CGNL1: variants seen among roughly 807,000 people sequenced by gnomAD.
CGNL1 encodes cingulin-like protein 1.
Under a neutral mutation model 141.2 loss-of-function variants are expected in CGNL1, and 132 were observed. That is an observed-to-expected ratio of 0.93 (90% confidence interval 0.81 to 1.08). CGNL1 has a LOEUF of 1.08. Ranked by LOEUF, CGNL1 falls within the 50% of genes least tolerant of loss-of-function variation. CGNL1 has a pLI of 0.00. For missense variants in CGNL1, 1,870 were observed against 1,588.6 expected (o/e 1.18, Z -3.01); for synonymous variants, 690 against 622.1 (o/e 1.11, Z -1.63).
At chr15:57,429,431 G>A (rs2063018149) in intron 1 of CGNL1, among the ~76,000 whole-genome samples, 1 of 152,212 alleles carries the variant, frequency 6.6e-6, no homozygotes, top group Non-Finnish European at 1.5e-5. Context: ...AGCCAGATTT[G>A]CGCTTAGAGA....
At chr15:57,534,231 C>T (rs1344519108) in intron 14 of CGNL1, among the ~76,000 whole-genome samples, 3 of 152,236 alleles carry the variant, frequency 2.0e-5, no homozygotes, top group Non-Finnish European at 4.4e-5. Flanking sequence ...TTTCCCTCTT[C>T]TGTTTTCTTT....
intron 1 of CGNL1, chr15:57,394,109 T>TTTTTTTTTTTTTTTTG (rs2062575484): frequency 7.3e-6 from 1 of 137,734 alleles, no homozygotes; most frequent in Non-Finnish European, 1.6e-5. Context: ...CTGTTTGTTT[T>TTTTTTTTTTTTTTTTG]TTTTTTTTTT....
intron 4 of CGNL1, among the ~76,000 whole-genome samples, chr15:57,444,685 A>G (rs1388646684): frequency 6.6e-6 from 1 of 152,146 alleles, no homozygotes; most frequent in Non-Finnish European, 1.5e-5. Context: ...GGGGTGTTCT[A>G]AGTTAAGTGA....
chr15:57,486,126 C>T (rs11856034), intron 8 of CGNL1, among the ~76,000 whole-genome samples: 20,598 of 152,108 alleles, frequency 0.14, 1,727 homozygotes, highest in Admixed American at 0.21. Context: ...GAATCAGCTG[C>T]CTTACTGGTG....
In CGNL1 at chr15:57,523,585, G is replaced by C; in HGVS notation, c.2812G>C (p.Glu938Gln). The change falls in exon 11 of 19, where the codon GAG (glutamate) becomes CAG (glutamine). Residue 938 changes from glutamate to glutamine, a missense_variant. Glu to Gln is a conservative substitution (Grantham distance 29). Coordinates refer to ENST00000281282, the MANE Select transcript of CGNL1 (RefSeq NM_032866.5). ...QKEQLRRLKN[E>Q]MENERWHLGK... ...GGAGCAGCTAAGAAGGTTGAAGAAC[G>C]AGATGGAGAATGAGCGGTGGCACCT... The C allele has an allele frequency of 6.2e-7, 1 of 1,614,182 alleles. No homozygotes were observed. Among genetic ancestry groups the C allele is most frequent in the Non-Finnish European group, 8.5e-7 (1 of 1,180,024 alleles).
intron 8 of CGNL1, among the ~76,000 whole-genome samples, chr15:57,509,981 C>A (rs1249929910): frequency 6.6e-6 from 1 of 152,180 alleles, no homozygotes; most frequent in Non-Finnish European, 1.5e-5. Flanking sequence ...ACCTGACTTA[C>A]CCTTGAAATA....
chr15:57,411,626 G>A (rs1213033722), intron 1 of CGNL1, among the ~76,000 whole-genome samples: 1 of 151,758 alleles, frequency 6.6e-6, no homozygotes, highest in Non-Finnish European at 1.5e-5. Context: ...TGTATTTTTG[G>A]TAGAGATGAG....
intron 8 of CGNL1, among the ~76,000 whole-genome samples, chr15:57,463,772 G>A (rs1041747252): frequency 2.0e-5 from 3 of 152,210 alleles, no homozygotes; most frequent in African/African-American, 7.2e-5. Context: ...AAAACTCTGT[G>A]TCTTTCAGAC....
At chr15:57,382,192 A>C (rs1311693075) in intron 1 of CGNL1, among the ~76,000 whole-genome samples, 2 of 152,228 alleles carry the variant, frequency 1.3e-5, no homozygotes, top group African/African-American at 4.8e-5. Flanking sequence ...TACAGGTAGT[A>C]AGGGCTTAGA....
Position 57,380,160 on chromosome 15 carries a change from A to G in CGNL1, c.-16+3593A>G, listed in dbSNP as rs759814626. Among the ~76,000 whole-genome samples, 39 of 152,262 alleles carry G rather than the reference A, an allele frequency of 2.6e-4. 1 individual carries two copies. The highest frequency in any genetic ancestry group is 3.9e-4 in the Admixed American group (6 of 15,300). On this transcript the variant is annotated intron_variant, in intron 1 of 18. Coordinates refer to ENST00000281282, the MANE Select transcript of CGNL1 (RefSeq NM_032866.5). ...CAATCCTCCCTGCCTCAGCCTCCTG[A>G]GTAGCTGGAATTACAGGCATGCGCC...
chr15:57,445,760 T>A (rs569303975), intron 4 of CGNL1, among the ~76,000 whole-genome samples: 4 of 152,316 alleles, frequency 2.6e-5, no homozygotes, highest in East Asian at 1.9e-4. Flanking sequence ...TAGCTTTGAT[T>A]CCTACTTTTA....
At chr15:57,383,682 G>T (rs1437069010) in intron 1 of CGNL1, among the ~76,000 whole-genome samples, 1 of 149,442 alleles carries the variant, frequency 6.7e-6, no homozygotes, top group Non-Finnish European at 1.5e-5. Context: ...GAGTGCAGTG[G>T]TGTGATCACA....
chr15:57,498,887 G>A lies in CGNL1; in HGVS notation c.2404-17893G>A, dbSNP rs117925266. ...TGGGGTGGGTGAGGAGGAGGAGTGT[G>A]GTGTGAGATGGGGCTGGAAGGGTAC... On this transcript the variant is annotated intron_variant, in intron 8 of 18. Coordinates refer to ENST00000281282, the MANE Select transcript of CGNL1 (RefSeq NM_032866.5). Among the ~76,000 whole-genome samples, 68 of 152,072 alleles carry A rather than the reference G, an allele frequency of 4.5e-4. 2 individuals are homozygous for A. In the East Asian group the frequency reaches 0.013, roughly 29 times the overall value.
chr15:57,482,014 T>C (rs1243150102), intron 8 of CGNL1, among the ~76,000 whole-genome samples: 1 of 152,216 alleles, frequency 6.6e-6, no homozygotes, highest in African/African-American at 2.4e-5. Flanking sequence ...TGGCCAATCA[T>C]GTTGAATGTC....
At chr15:57,397,908 G>T (rs1008518522) in intron 1 of CGNL1, among the ~76,000 whole-genome samples, 6 of 151,818 alleles carry the variant, frequency 4.0e-5, no homozygotes, top group African/African-American at 1.5e-4. Context: ...TCAGCCTCCC[G>T]AGTAGCTGGG....
At chr15:57,455,498 C>T (rs2063368541) in intron 7 of CGNL1, among the ~76,000 whole-genome samples, 2 of 152,166 alleles carry the variant, frequency 1.3e-5, no homozygotes, top group African/African-American at 2.4e-5. Context: ...ATCCCCTGTC[C>T]TTTTAGTTTC....
chr15:57,452,292 A>G lies in CGNL1; in HGVS notation c.2054+3A>G. The G allele has an allele frequency of 6.2e-7, 1 of 1,612,980 alleles. No homozygotes were observed. The highest frequency in any genetic ancestry group is 1.3e-5 in the African/African-American group (1 of 75,002). On this transcript the variant is annotated splice_donor_region_variant and intron_variant, in intron 6 of 18. Transcript: ENST00000281282. ...GAGCTCCGGAAGAATCTGGAGGAGT[A>G]AGTTCTGGGCTGAGAGCCTGTTGCC...
intron 10 of CGNL1, among the ~76,000 whole-genome samples, chr15:57,522,005 C>T (rs1430904927): frequency 6.6e-6 from 1 of 152,166 alleles, no homozygotes; most frequent in Non-Finnish European, 1.5e-5. Context: ...ATAACTCCTC[C>T]TCACCCTTTG....
rs1314263065 is a variant in CGNL1, at chr15:57,548,064, C to CA, written c.*576dup. On this transcript the variant is annotated 3_prime_UTR_variant, in exon 19 of 19. Transcript: ENST00000281282. ...TTGCCGAGGCTGGAGTGCAATGGCG[C>CA]AACCTTGGCTCACTGCAACCTCTGC... 1 of 150,610 alleles carries CA rather than the reference C, an allele frequency of 6.6e-6. No individual in the cohort carries two copies. The highest frequency in any genetic ancestry group is 1.9e-4 in the East Asian group (1 of 5,136). The allele number at this position is 150,610 out of a possible 1,614,324, so 9.3% of individuals were successfully genotyped here. A position where few individuals can be genotyped will look rare whatever the true frequency, so the allele number is the denominator to read the frequency against.
Sources: allele counts gnomAD v4.1 joint callset (sites outside exome capture counted in the v4.1 genomes callset), GRCh38; gene constraint gnomAD v4.1.1; transcripts MANE v1.5; gene names NCBI Gene and HGNC (gene_info 2026-07-23, HGNC 2026-07-21).